Variants in GPC5 observed in about 807,000 individuals in gnomAD.
GPC5 encodes the protein glypican-5.
Under a neutral mutation model 53.9 loss-of-function variants are expected in GPC5, and 47 were observed. The observed-to-expected ratio is 0.87, with a 90% CI of 0.69 to 1.11. The LOEUF is 1.11. Among genes scored for constraint, GPC5 ranks in the 50% most tolerant of loss-of-function variants. GPC5 has a pLI of 0.00. For synonymous variants in GPC5, 286 were observed against 263.3 expected (o/e 1.09, Z -0.84); for missense variants, 748 against 713.1 (o/e 1.05, Z -0.56).
chr13:91,564,049 A>T (rs183348181), intron 2 of GPC5, among the ~76,000 whole-genome samples: 41 of 151,894 alleles, frequency 2.7e-4, no homozygotes, highest in African/African-American at 9.7e-4. Context: ...TATTCTTGGC[A>T]CCCTATCTAG....
At chr13:92,102,977 G>C (rs921129980) in intron 6 of GPC5, among the ~76,000 whole-genome samples, 2 of 152,144 alleles carry the variant, frequency 1.3e-5, no homozygotes, top group African/African-American at 4.8e-5. Context: ...TCCCACCTCA[G>C]CTTCCTGAGG....
intron 7 of GPC5, among the ~76,000 whole-genome samples, chr13:92,543,451 G>T (rs1881995415): frequency 6.6e-6 from 1 of 151,888 alleles, no homozygotes; most frequent in Non-Finnish European, 1.5e-5. Context: ...ACTTAAGCAT[G>T]TAGGGGAAGT....
At chr13:91,795,550 C>A (rs144692298) in intron 5 of GPC5, among the ~76,000 whole-genome samples, 1,979 of 152,138 alleles carry the variant, frequency 0.013, 10 homozygotes, top group Non-Finnish European at 0.021. Context: ...CCTTAGATAC[C>A]CTTCTTACCT....
At chr13:91,806,180 C>A (rs61967084) in intron 5 of GPC5, among the ~76,000 whole-genome samples, 20,886 of 151,056 alleles carry the variant, frequency 0.14, 1,593 homozygotes, top group African/African-American at 0.2. Context: ...GGACTACAGA[C>A]ATCTGCCACC....
intron 1 of GPC5, among the ~76,000 whole-genome samples, chr13:91,437,323 T>A (rs928335028): frequency 6.6e-6 from 1 of 152,248 alleles, no homozygotes; most frequent in Non-Finnish European, 1.5e-5. Flanking sequence ...CAGTGGCTGG[T>A]ACCAATTGTT....
intron 7 of GPC5, among the ~76,000 whole-genome samples, chr13:92,755,367 A>G (rs1874814638): frequency 7.0e-6 from 1 of 142,650 alleles, no homozygotes; most frequent in African/African-American, 2.6e-5. Context: ...AATGCCCACA[A>G]GAGAAAGCAG....
chr13:92,020,047 A>G (rs1421476739), intron 6 of GPC5, among the ~76,000 whole-genome samples: 1 of 152,012 alleles, frequency 6.6e-6, no homozygotes, highest in East Asian at 1.9e-4. Flanking sequence ...TGCCTTTTCC[A>G]TCTTCTAGAG....
chr13:92,842,411 G>A (rs1878457439), intron 7 of GPC5, among the ~76,000 whole-genome samples: 1 of 152,064 alleles, frequency 6.6e-6, no homozygotes, highest in Admixed American at 6.6e-5. Context: ...TTGTGTCATG[G>A]CTGGGTAACC....
intron 3 of GPC5, among the ~76,000 whole-genome samples, chr13:91,716,341 C>T (rs566701811): frequency 6.6e-6 from 1 of 152,286 alleles, no homozygotes; most frequent in South Asian, 2.1e-4. Context: ...ACCCCACCTC[C>T]ACCTCATTAG....
At chr13:91,796,391 G>A (rs1286188818) in intron 5 of GPC5, among the ~76,000 whole-genome samples, 1 of 152,178 alleles carries the variant, frequency 6.6e-6, no homozygotes, top group Non-Finnish European at 1.5e-5. Context: ...TGGACAGCGA[G>A]CCAAAGCTCA....
chr13:92,188,553 T>C (rs1247450065), intron 7 of GPC5, among the ~76,000 whole-genome samples: 2 of 152,128 alleles, frequency 1.3e-5, no homozygotes, highest in Admixed American at 6.6e-5. Context: ...TGGTATGAAA[T>C]AAAAGTAAGA....
At chr13:92,128,050 A>G (rs1319719927) in intron 6 of GPC5, among the ~76,000 whole-genome samples, 2 of 152,112 alleles carry the variant, frequency 1.3e-5, no homozygotes, top group African/African-American at 2.4e-5. Flanking sequence ...TGTTTCTGAG[A>G]TCAATCTTCC....
At chr13:91,917,433 C>A (rs2039670347) in intron 6 of GPC5, among the ~76,000 whole-genome samples, 1 of 152,184 alleles carries the variant, frequency 6.6e-6, no homozygotes, top group African/African-American at 2.4e-5. Context: ...CATTGAGTGC[C>A]TTCACCTTCT....
At chr13:92,314,807 C>T (rs887387946) in intron 7 of GPC5, among the ~76,000 whole-genome samples, 6 of 152,244 alleles carry the variant, frequency 3.9e-5, no homozygotes, top group African/African-American at 1.4e-4. Flanking sequence ...TAGTCTTGCT[C>T]TGCCACCCAG....
Position 91,761,155 on chromosome 13 carries a change from T to C in GPC5, c.1280+4735T>C, listed in dbSNP as rs989808797. The stretch of plus-strand genomic sequence containing the variant: ...GCATTGAAGTTCAGGTGACAGCTCC[T>C]TAATTACCAGGGCTTCCTTTTCCCT... On this transcript the variant is annotated intron_variant, in intron 5 of 7. Transcript: ENST00000377067. 2.6e-5 allele frequency among the ~76,000 whole-genome samples: 4 copies of C among 152,272 alleles called. No individual in the cohort carries two copies. The South Asian group carries it at 6.2e-4, about 24-fold the overall frequency.
chr13:92,334,947 G>A (rs112556047), intron 7 of GPC5, among the ~76,000 whole-genome samples: 2,683 of 152,218 alleles, frequency 0.018, 91 homozygotes, highest in African/African-American at 0.061. Context: ...CTGGCGCTGA[G>A]TGTCTGTGGC....
intron 7 of GPC5, among the ~76,000 whole-genome samples, chr13:92,700,725 G>A (rs1023851097): frequency 6.6e-6 from 1 of 151,984 alleles, no homozygotes; most frequent in African/African-American, 2.4e-5. Flanking sequence ...ACCATAGCTT[G>A]TCTCCAGCTT....
intron 7 of GPC5, among the ~76,000 whole-genome samples, chr13:92,355,940 A>C (rs1269422723): frequency 7.9e-6 from 1 of 125,804 alleles, no homozygotes; most frequent in Non-Finnish European, 1.6e-5. Context: ...TATTTTACTT[A>C]GACTCACATC....
chr13:92,136,527 A>AT (rs1281301906), intron 6 of GPC5, among the ~76,000 whole-genome samples: 7 of 152,164 alleles, frequency 4.6e-5, no homozygotes, highest in African/African-American at 1.4e-4. Context: ...ACAAGTGCAT[A>AT]TTTTACCATG....
Sources: gnomAD v4.1 joint callset for allele counts (sites outside exome capture counted in the v4.1 genomes callset) on GRCh38, gnomAD v4.1.1 for gene constraint, MANE v1.5 for transcripts, NCBI Gene and HGNC (gene_info 2026-07-23, HGNC 2026-07-21) for gene names.